The following GABBR2 variants were observed in gnomAD, a reference collection of about 807,000 sequenced individuals.
The protein encoded by GABBR2 is gamma-aminobutyric acid type B receptor subunit 2.
In GABBR2, 23 loss-of-function variants were observed where a neutral mutation model predicts 105.6. The observed-to-expected ratio is 0.22, with a 90% CI of 0.16 to 0.31. The LOEUF (loss-of-function observed/expected upper bound fraction) is 0.31, where lower values mean the gene tolerates loss of function less well. Among genes scored for constraint, GABBR2 ranks in the 10% least tolerant of loss-of-function variants. The pLI is 1.00. For missense variants in GABBR2, 734 were observed against 1,245.5 expected, an observed-to-expected ratio of 0.59 and a Z score of 6.18; for synonymous variants, 478 against 499.7, an observed-to-expected ratio of 0.96 and a Z score of 0.58.
intron 7 of GABBR2, among the ~76,000 whole-genome samples, chr9:98,414,293 A>G (rs1012645366): frequency 6.6e-6 from 1 of 152,230 alleles, no homozygotes; most frequent in Non-Finnish European, 1.5e-5. Context: ...CTGAGCCGAG[A>G]GCAAGGGGGA....
chr9:98,360,500 C>T (rs934046650), intron 13 of GABBR2, among the ~76,000 whole-genome samples: 1 of 152,318 alleles, frequency 6.6e-6, no homozygotes, highest in Non-Finnish European at 1.5e-5. Context: ...CTTGGACAAT[C>T]TGGGTGACCC....
intron 1 of GABBR2, among the ~76,000 whole-genome samples, chr9:98,671,146 C>A (rs996870292): frequency 6.7e-6 from 1 of 149,276 alleles, no homozygotes; most frequent in African/African-American, 2.4e-5. Flanking sequence ...ACCACTGCCA[C>A]CCCCCCGCCC....
chr9:98,428,599 T>C (rs1276681234), intron 7 of GABBR2, among the ~76,000 whole-genome samples: 1 of 152,238 alleles, frequency 6.6e-6, no homozygotes, highest in Non-Finnish European at 1.5e-5. Context: ...TCTGTGAAGA[T>C]GGCTCTATGC....
At chr9:98,426,508 G>C (rs1156881654) in intron 7 of GABBR2, among the ~76,000 whole-genome samples, 1 of 152,168 alleles carries the variant, frequency 6.6e-6, no homozygotes, top group Non-Finnish European at 1.5e-5. Flanking sequence ...CACCAGTTGA[G>C]CCCCCAACCT....
intron 3 of GABBR2, among the ~76,000 whole-genome samples, chr9:98,506,338 C>T (rs1177158880): frequency 1.3e-5 from 2 of 152,170 alleles, no homozygotes; most frequent in Admixed American, 1.3e-4. Context: ...ATCTCAGGAT[C>T]CTGTGTAGTG....
intron 7 of GABBR2, among the ~76,000 whole-genome samples, chr9:98,453,358 T>C (rs942711394): frequency 2.6e-5 from 4 of 152,212 alleles, no homozygotes; most frequent in African/African-American, 9.6e-5. Flanking sequence ...CTTTTCTTTT[T>C]TTCAGAACAG....
chr9:98,617,875 G>GGT (rs1829610549), intron 1 of GABBR2, among the ~76,000 whole-genome samples: 3 of 152,192 alleles, frequency 2.0e-5, no homozygotes, highest in Non-Finnish European at 4.4e-5. Context: ...TCTGCACCCA[G>GGT]TGATGCCCCC....
chr9:98,406,428 C>G (rs1588144368), intron 7 of GABBR2, among the ~76,000 whole-genome samples: 2 of 152,336 alleles, frequency 1.3e-5, no homozygotes, highest in African/African-American at 4.8e-5. Context: ...TAATTAAACA[C>G]CCACGTGTCC....
At chr9:98,497,033 G>A (rs1827294553) in intron 3 of GABBR2, among the ~76,000 whole-genome samples, 1 of 152,242 alleles carries the variant, frequency 6.6e-6, no homozygotes, top group Non-Finnish European at 1.5e-5. Flanking sequence ...ATCTATGGAT[G>A]TGAAAAGCAA....
At chr9:98,417,121 G>A (rs183807788) in intron 7 of GABBR2, among the ~76,000 whole-genome samples, 76 of 152,314 alleles carry the variant, frequency 5.0e-4, no homozygotes, top group South Asian at 1.7e-3. Context: ...CCTCTTCAAG[G>A]GCTGGGAAGC....
intron 1 of GABBR2, among the ~76,000 whole-genome samples, chr9:98,660,558 A>G (rs770731238): frequency 2.6e-5 from 4 of 152,234 alleles, no homozygotes; most frequent in African/African-American, 4.8e-5. Flanking sequence ...TTAGTTTCCT[A>G]TTGCTACTAT....
At chr9:98,674,090 T>A (rs1456660314) in intron 1 of GABBR2, among the ~76,000 whole-genome samples, 1 of 152,090 alleles carries the variant, frequency 6.6e-6, no homozygotes. Context: ...GTCTCCATCA[T>A]CATCTAGAGA....
At chr9:98,685,582 C>A (rs1414675568) in intron 1 of GABBR2, among the ~76,000 whole-genome samples, 1 of 152,240 alleles carries the variant, frequency 6.6e-6, no homozygotes. Context: ...AGATGTCTAT[C>A]TCCCCACTAG....
chr9:98,369,342 T>A (rs1323735482), intron 12 of GABBR2, among the ~76,000 whole-genome samples: 4 of 151,782 alleles, frequency 2.6e-5, no homozygotes. Context: ...AGAATATACC[T>A]CCACCTCATC....
chr9:98,394,582 C>T (rs1832253459), intron 8 of GABBR2, among the ~76,000 whole-genome samples: 1 of 152,194 alleles, frequency 6.6e-6, no homozygotes, highest in East Asian at 1.9e-4. Context: ...CTGTAACATT[C>T]CCCCTGCTCA....
In GABBR2 at chr9:98,432,192, G is replaced by A. The variant is rs112555591; in HGVS notation, c.1236+21789C>T. Among the ~76,000 whole-genome samples the A allele has an allele frequency of 4.9e-3, 746 of 152,252 alleles. 9 individuals carry two copies. The highest frequency in any genetic ancestry group is 0.017 in the African/African-American group (691 of 41,530). On this transcript the variant is annotated intron_variant, in intron 7 of 18. Transcript: ENST00000259455. ...ATTATAGGCGTGAGTCACTGCACCC[G>A]GCTCAAGGAAGGTTTTTAATAAGGA...
At chr9:98,536,802 C>T (rs933023952) in intron 3 of GABBR2, among the ~76,000 whole-genome samples, 2 of 152,172 alleles carry the variant, frequency 1.3e-5, no homozygotes, top group African/African-American at 4.8e-5. Flanking sequence ...CCCTCTCCAA[C>T]ACAGACTTCG....
At chr9:98,318,961 T>C (rs1830773337) in intron 13 of GABBR2, among the ~76,000 whole-genome samples, 1 of 150,704 alleles carries the variant, frequency 6.6e-6, no homozygotes, top group South Asian at 2.1e-4. Context: ...GGGGGTGTGT[T>C]TGGCCTTCCC....
At chr9:98,422,018 G>A (rs1423460617) in intron 7 of GABBR2, among the ~76,000 whole-genome samples, 4 of 152,046 alleles carry the variant, frequency 2.6e-5, no homozygotes, top group African/African-American at 9.7e-5. Flanking sequence ...AGGACATCCT[G>A]GACAAACAGA....
Sources: gnomAD v4.1 joint callset for allele counts (sites outside exome capture counted in the v4.1 genomes callset) on GRCh38, gnomAD v4.1.1 for gene constraint, MANE v1.5 for transcripts, NCBI Gene and HGNC (gene_info 2026-07-23, HGNC 2026-07-21) for gene names.